Variants in PKD1L1 observed in about 807,000 individuals in gnomAD.
PKD1L1 encodes the protein polycystin 1 like 1, transient receptor potential channel interacting.
Under a neutral mutation model 323.4 loss-of-function variants are expected in PKD1L1, and 236 were observed. The observed-to-expected ratio is 0.73, with a 90% confidence interval of 0.66 to 0.81. The LOEUF (loss-of-function observed/expected upper bound fraction) is 0.81. Among genes scored for constraint, PKD1L1 ranks in the 40% least tolerant of loss-of-function variants. PKD1L1 has a pLI of 0.00. For missense variants in PKD1L1, 3,320 were observed against 3,508.0 expected, an observed-to-expected ratio of 0.95 and a Z score of 1.35; for synonymous variants, 1,344 against 1,335.0, an observed-to-expected ratio of 1.01 and a Z score of -0.15.
rs767032270 is a variant in PKD1L1, at chr7:47,821,202, T to G, written c.6855-16A>C. On this transcript the variant is annotated splice_polypyrimidine_tract_variant and intron_variant, in intron 45 of 56. Coordinates refer to ENST00000289672, the MANE Select transcript of PKD1L1 (RefSeq NM_138295.5). ...GGAAATGTCTCTGTAAGAAGAGTTT[T>G]TAAGTTAGCATCCATACAGACCCTG... The G allele has an allele frequency of 6.5e-7, 1 of 1,541,172 alleles. No individual in the cohort carries two copies. Among genetic ancestry groups the G allele is most frequent in the Non-Finnish European group, 9.0e-7 (1 of 1,114,186 alleles).
Position 47,815,471 on chromosome 7 carries a change from C to T in PKD1L1, c.6966-14G>A. On this transcript the variant is annotated splice_polypyrimidine_tract_variant and intron_variant, in intron 46 of 56. Transcript: ENST00000289672. ...TTTCTGGCATTTCTTAATGCAAGAACAAAAATAAAAAGTTGCTTCTGCATC... is the reference window on the plus strand; with the variant it reads ...TTTCTGGCATTTCTTAATGCAAGAATAAAAATAAAAAGTTGCTTCTGCATC... 1 of 1,607,922 alleles carries T rather than the reference C, an allele frequency of 6.2e-7. No individual in the cohort carries two copies. The highest frequency in any genetic ancestry group is 8.5e-7 in the Non-Finnish European group (1 of 1,177,986).
chr7:47,837,786 GC>G (rs1583609645), intron 36 of PKD1L1, among the ~76,000 whole-genome samples: 1 of 152,156 alleles, frequency 6.6e-6, no homozygotes, highest in African/African-American at 2.4e-5. Flanking sequence ...TTTAAATAAT[GC>G]GTGGGGCTCA....
rs532312553 is a variant in PKD1L1 at position 47,934,918 on chromosome 7, G to A, written c.398+1928C>T. 2.0e-5 allele frequency among the ~76,000 whole-genome samples: 3 copies of A among 152,238 alleles called. 1 individual carries two copies. The South Asian group carries it at 6.2e-4, about 32-fold the overall frequency. On this transcript the variant is annotated intron_variant, in intron 4 of 56. Coordinates refer to ENST00000289672, the MANE Select transcript of PKD1L1 (RefSeq NM_138295.5). ...AGAGGTTTGCTCACCCAAGCACTTC[G>A]GATTTGTAACCAGTGAGGGCCCAAG...
At chr7:47,905,367 A>G (rs767743110) in intron 10 of PKD1L1, 42 bp from the exon 11 acceptor site, 26 of 1,588,340 alleles carry the variant, frequency 1.6e-5, no homozygotes, top group Non-Finnish European at 2.1e-5. Context: ...TCAACATAGG[A>G]GGGCTGGAAT....
rs775182667 is a variant in PKD1L1 at position 47,837,070 on chromosome 7, A to G, written c.5794T>C (p.Tyr1932His). The part of the protein sequence containing the change: ...RKLFYCKFTE[Y>H]LEDFHVWLSV... ...AGCCAGACATGGAAATCCTCCAGGT[A>G]CTCTGTGAACTTGCAATAGAAAAGC... Residue 1932 changes from tyrosine (Y) to histidine (H), a missense_variant, in exon 37 of 57, where the codon TAC becomes CAC. By Grantham distance (83) the Tyr-to-His change is moderately conservative. Transcript: ENST00000289672. The G allele has an allele frequency of 1.2e-6, 2 of 1,614,156 alleles. No individual in the cohort carries two copies. Among genetic ancestry groups the G allele is most frequent in the Admixed American group, 1.7e-5 (1 of 60,020 alleles).
At position 47,866,503 on chromosome 7, in the gene PKD1L1, C is replaced by T. The variant is rs1322490797; in HGVS notation, c.4008G>A (p.Glu1336=). Residue 1336 remains glutamate (E), a synonymous_variant, in exon 25 of 57, where the codon GAG becomes GAA. Transcript: ENST00000289672. ...ITRILSRLSK[E]DKTASCNQWS... ...ATTGGTTGCAGGAGGCAGTTTTGTCCTCCTTAGACAAACGACTCAGGATTC... is the reference window on the plus strand; with the variant it reads ...ATTGGTTGCAGGAGGCAGTTTTGTCTTCCTTAGACAAACGACTCAGGATTC... The T allele has an allele frequency of 6.2e-7, 1 of 1,613,974 alleles. No homozygotes were observed. Among genetic ancestry groups the T allele is most frequent in the Admixed American group, 1.7e-5 (1 of 60,006 alleles).
chr7:47,857,495 A>G, intron 28 of PKD1L1, 110 bp downstream of exon 28: 2 of 903,324 alleles, frequency 2.2e-6, no homozygotes, highest in Non-Finnish European at 3.4e-6. Context: ...GCAAACATGC[A>G]AAAAACAGGT....
chr7:47,959,032 C>T, the PKD1L1 span, among the ~76,000 whole-genome samples: 2 of 152,372 alleles, frequency 1.3e-5, no homozygotes, highest in East Asian at 3.9e-4. Flanking sequence ...CTGTGTTGGC[C>T]GGGCTGGTCT....
chr7:47,863,523 C>A (rs1320853935), intron 26 of PKD1L1, among the ~76,000 whole-genome samples: 5 of 152,034 alleles, frequency 3.3e-5, no homozygotes, highest in Admixed American at 6.6e-5. Context: ...AGGGGTCAGT[C>A]AACAAGGCCA....
intron 37 of PKD1L1, among the ~76,000 whole-genome samples, 187 bp downstream of exon 37, chr7:47,836,734 A>G (rs1785464259): frequency 1.3e-5 from 2 of 151,998 alleles, no homozygotes; most frequent in African/African-American, 4.8e-5. Flanking sequence ...AGAGCTGTGC[A>G]GGGCCACCCA....
At chr7:47,808,470 TAC>T in intron 51 of PKD1L1, 83 bp from the exon 52 acceptor site, 1 of 1,533,970 alleles carries the variant, frequency 6.5e-7, no homozygotes, top group East Asian at 2.3e-5. Context: ...GTTTGTAAGT[TAC>T]AGTCATGAGT....
chr7:47,859,984 T>A (rs1035813078), intron 26 of PKD1L1, among the ~76,000 whole-genome samples: 2 of 152,140 alleles, frequency 1.3e-5, no homozygotes, highest in African/African-American at 4.8e-5. Context: ...GTAGAAAGAA[T>A]AGTATGGTAG....
intron 19 of PKD1L1, among the ~76,000 whole-genome samples, chr7:47,883,922 C>T (rs1000866427): frequency 4.6e-5 from 7 of 152,238 alleles, no homozygotes; most frequent in African/African-American, 1.7e-4. Flanking sequence ...GCTGATCAAA[C>T]ATCTGTTCAT....
chr7:47,854,524 T>C (rs1383846670), intron 30 of PKD1L1, among the ~76,000 whole-genome samples: 2 of 152,220 alleles, frequency 1.3e-5, no homozygotes, highest in Non-Finnish European at 1.5e-5. Flanking sequence ...ATAATTATTT[T>C]ATGAAGTTTC....
chr7:47,935,860 T>C (rs1215876707), intron 4 of PKD1L1, among the ~76,000 whole-genome samples: 2 of 152,252 alleles, frequency 1.3e-5, no homozygotes, highest in African/African-American at 4.8e-5. Context: ...TAGCTGTTCT[T>C]GGCAACATTG....
chr7:47,829,962 A>G (rs1402324377), intron 43 of PKD1L1, 78 bp downstream of exon 43: 9 of 1,369,408 alleles, frequency 6.6e-6, no homozygotes, highest in African/African-American at 1.4e-5. Context: ...ACACAACCAA[A>G]ATGAAGCCTC....
chr7:47,784,757 G>A (rs1786771231), intron 56 of PKD1L1, among the ~76,000 whole-genome samples: 1 of 152,176 alleles, frequency 6.6e-6, no homozygotes, highest in South Asian at 2.1e-4. Context: ...ACAGACATGA[G>A]CCACTGCGCC....
At chr7:47,817,787 T>C (rs1785051825) in intron 46 of PKD1L1, among the ~76,000 whole-genome samples, 1 of 152,110 alleles carries the variant, frequency 6.6e-6, no homozygotes, top group African/African-American at 2.4e-5. Flanking sequence ...GGAGAATTCC[T>C]TGAACCCGGG....
the PKD1L1 span, among the ~76,000 whole-genome samples, chr7:47,957,862 A>AATAT: frequency 5.5e-4 from 74 of 134,698 alleles, 1 homozygote; most frequent in Non-Finnish European, 7.9e-4. Flanking sequence ...ATTAAAAAAA[A>AATAT]ATATATATAT....
Sources: allele counts gnomAD v4.1 joint callset (sites outside exome capture counted in the v4.1 genomes callset), GRCh38; gene constraint gnomAD v4.1.1; transcripts MANE v1.5; gene names NCBI Gene and HGNC (gene_info 2026-07-23, HGNC 2026-07-21).